Variants in SMCO4 observed in about 807,000 individuals in gnomAD.
SMCO4 encodes the protein single-pass membrane and coiled-coil domain-containing protein 4.
SMCO4 carries 4 observed loss-of-function variants against 3.6 expected under a neutral mutation model. The observed-to-expected ratio is 1.11, with a 90% confidence interval of 0.54 to 2.53. SMCO4 has a LOEUF of 2.53. SMCO4 is among the 30% of genes most tolerant of loss of function. The probability of loss-of-function intolerance (pLI) is 0.02; values close to 1 mark genes in which losing one functional copy is unlikely to be tolerated. For synonymous variants in SMCO4, 36 were observed against 35.3 expected, an observed-to-expected ratio of 1.02 and a Z score of -0.07; for missense variants, 70 against 80.8, an observed-to-expected ratio of 0.87 and a Z score of 0.51.
At chr11:93,489,788 C>T (rs1334981767) in intron 2 of SMCO4, among the ~76,000 whole-genome samples, 1 of 149,748 alleles carries the variant, frequency 6.7e-6, no homozygotes, top group Non-Finnish European at 1.5e-5. Context: ...CACCTGTCCC[C>T]CCACACCTCT....
At position 93,538,119 on chromosome 11, in the gene SMCO4, G is replaced by A. The variant is rs115362234; in HGVS notation, c.-154+5157C>T. On this transcript the variant is annotated intron_variant, in intron 1 of 2. Coordinates refer to ENST00000298966, the MANE Select transcript of SMCO4 (RefSeq NM_020179.3). ...TATATTCCTGACATGGCAACAGTGC[G>A]TCCTACCGATGACAGGACATGCAGA... is the stretch of plus-strand genomic sequence containing the variant. Among the ~76,000 whole-genome samples, 433 of 152,312 alleles carry A rather than the reference G, an allele frequency of 2.8e-3. 4 individuals carry two copies. Among genetic ancestry groups the A allele is most frequent in the African/African-American group, 1.0e-2 (415 of 41,568 alleles).
At chr11:93,540,567 G>A (rs1358291256) in intron 1 of SMCO4, among the ~76,000 whole-genome samples, 2 of 152,198 alleles carry the variant, frequency 1.3e-5, no homozygotes, top group African/African-American at 4.8e-5. Context: ...CTGTAGGATA[G>A]CTGAGAATTC....
Position 93,478,850 on chromosome 11 carries a change from G to C in SMCO4, c.*160C>G, listed in dbSNP as rs1948551855. The C allele has an allele frequency of 7.0e-7, 1 of 1,423,716 alleles. No homozygotes were observed. Among genetic ancestry groups the C allele is most frequent in the Non-Finnish European group, 9.2e-7 (1 of 1,091,688 alleles). 88.2% of individuals were successfully genotyped at this position (1,423,716 alleles called of 1,614,324 possible). A position where few individuals can be genotyped will look rare whatever the true frequency, so the allele number is the denominator to read the frequency against. ...ACATCCCCTATTCCCTCCCAAGAAAGCGGAGATACTTTAATCAAGTCAAAG... is the reference window on the plus strand; with the variant it reads ...ACATCCCCTATTCCCTCCCAAGAAACCGGAGATACTTTAATCAAGTCAAAG... On this transcript the variant is annotated 3_prime_UTR_variant, in exon 3 of 3. Transcript: ENST00000298966.
intron 1 of SMCO4, among the ~76,000 whole-genome samples, chr11:93,505,357 T>A (rs139636353): frequency 6.6e-5 from 10 of 152,358 alleles, no homozygotes; most frequent in Non-Finnish European, 1.5e-4. Context: ...ATAAAAAGTA[T>A]AATTAACACT....
chr11:93,503,834 A>G (rs1948872891), intron 1 of SMCO4, among the ~76,000 whole-genome samples: 1 of 152,184 alleles, frequency 6.6e-6, no homozygotes, highest in Non-Finnish European at 1.5e-5. Flanking sequence ...ATGAGAATAT[A>G]TTTGCTATTT....
intron 1 of SMCO4, among the ~76,000 whole-genome samples, chr11:93,542,947 C>T (rs1280988591): frequency 2.6e-5 from 4 of 152,130 alleles, no homozygotes; most frequent in African/African-American, 9.7e-5. Context: ...CCCGCACCCG[C>T]ACTTCCCGCC....
In SMCO4 at chr11:93,478,984, ATGGG is replaced by A; in HGVS notation, c.*22_*25del. 6.3e-7 allele frequency: 1 copy of A among 1,579,352 alleles called. No individual in the cohort carries two copies. The highest frequency in any genetic ancestry group is 8.6e-7 in the Non-Finnish European group (1 of 1,159,808). ...CCTCCCGCGCCTCCTCTCCCTGCCGATGGGGTCCGCAGCCGGCTGCGGGGCTCAC... is the reference window on the plus strand; with the variant it reads ...CCTCCCGCGCCTCCTCTCCCTGCCGAGTCCGCAGCCGGCTGCGGGGCTCAC... On this transcript the variant is annotated 3_prime_UTR_variant, in exon 3 of 3. Coordinates refer to ENST00000298966, the MANE Select transcript of SMCO4 (RefSeq NM_020179.3).
chr11:93,535,540 C>T, intron 1 of SMCO4: 1 of 1,423,782 alleles, frequency 7.0e-7, no homozygotes, highest in Non-Finnish European at 9.9e-7. Context: ...GGACATCAGG[C>T]AGCATCATAT....
intron 2 of SMCO4, among the ~76,000 whole-genome samples, chr11:93,494,956 AC>A (rs1948757664): frequency 6.6e-6 from 1 of 150,644 alleles, no homozygotes; most frequent in Non-Finnish European, 1.5e-5. Context: ...CTCAACTCCC[AC>A]CCCACCGTGC....
At chr11:93,506,473 C>G (rs1277880303) in intron 1 of SMCO4, among the ~76,000 whole-genome samples, 1 of 149,830 alleles carries the variant, frequency 6.7e-6, no homozygotes, top group Non-Finnish European at 1.5e-5. Flanking sequence ...GAGTCTCGCT[C>G]TGTCGCCCAG....
At chr11:93,510,173 G>T (rs1948944659) in intron 1 of SMCO4, among the ~76,000 whole-genome samples, 1 of 152,178 alleles carries the variant, frequency 6.6e-6, no homozygotes, top group African/African-American at 2.4e-5. Context: ...CTGGTGAAGG[G>T]CAGATGCTCA....
chr11:93,532,321 G>C (rs1038551142), intron 1 of SMCO4, among the ~76,000 whole-genome samples: 4 of 152,168 alleles, frequency 2.6e-5, no homozygotes, highest in African/African-American at 9.7e-5. Context: ...ACATCATCTG[G>C]GTGTTTCCAG....
intron 1 of SMCO4, among the ~76,000 whole-genome samples, chr11:93,508,081 C>A (rs1042886100): frequency 7.9e-5 from 12 of 151,938 alleles, no homozygotes; most frequent in Non-Finnish European, 1.3e-4. Context: ...ATTTTAATTT[C>A]TAACACAGTA....
intron 1 of SMCO4, among the ~76,000 whole-genome samples, chr11:93,516,479 C>T (rs539023827): frequency 3.9e-5 from 6 of 152,136 alleles, no homozygotes; most frequent in Non-Finnish European, 5.9e-5. Flanking sequence ...TGACATTTAG[C>T]GCAAACGGAA....
At chr11:93,535,400 C>T (rs992616779) in intron 1 of SMCO4, 2 of 915,246 alleles carry the variant, frequency 2.2e-6, no homozygotes, top group African/African-American at 3.3e-5. Context: ...CAATAAGAAT[C>T]AAGAAGCCAA....
At chr11:93,546,260 T>A (rs1949315300), upstream of SMCO4, among the ~76,000 whole-genome samples, 1 of 152,220 alleles carries the variant, frequency 6.6e-6, no homozygotes, top group Non-Finnish European at 1.5e-5. Context: ...GCATCACACT[T>A]CATGTAAATA....
intron 1 of SMCO4, among the ~76,000 whole-genome samples, chr11:93,500,722 A>T (rs750823787): frequency 2.5e-4 from 38 of 152,356 alleles, no homozygotes; most frequent in Admixed American, 4.6e-4. Context: ...TGGAAAGTTA[A>T]AATTGGGCTC....
intron 1 of SMCO4, among the ~76,000 whole-genome samples, chr11:93,500,709 A>G (rs999991794): frequency 6.6e-6 from 1 of 152,234 alleles, no homozygotes; most frequent in South Asian, 2.1e-4. Flanking sequence ...CATTCTGAAA[A>G]TATGGAAAGT....
chr11:93,503,333 G>A (rs768279032), intron 1 of SMCO4, among the ~76,000 whole-genome samples: 1 of 152,142 alleles, frequency 6.6e-6, no homozygotes, highest in African/African-American at 2.4e-5. Context: ...CAGATCTTGT[G>A]AGACTTATTC....
Sources: gnomAD v4.1 joint callset for allele counts (sites outside exome capture counted in the v4.1 genomes callset) on GRCh38, gnomAD v4.1.1 for gene constraint, MANE v1.5 for transcripts, NCBI Gene and HGNC (gene_info 2026-07-23, HGNC 2026-07-21) for gene names.